CDADC1: variants seen among roughly 807,000 people sequenced by gnomAD.
CDADC1 encodes the protein cytidine and dCMP deaminase domain containing 1.
CDADC1 carries 39 observed loss-of-function variants against 54.9 expected under a neutral mutation model. The ratio of observed to expected loss-of-function variants is 0.71; its 90% CI spans 0.55 to 0.93. CDADC1 has a LOEUF of 0.93. Among genes scored for constraint, CDADC1 ranks in the 40% least tolerant of loss-of-function variants. CDADC1 has a pLI of 0.00. For synonymous variants in CDADC1, 186 were observed against 204.0 expected (o/e 0.91, Z 0.75); for missense variants, 518 against 618.8 (o/e 0.84, Z 1.73).
At chr13:49,277,653 A>G (rs1184615830) in intron 6 of CDADC1, among the ~76,000 whole-genome samples, 9 of 152,172 alleles carry the variant, frequency 5.9e-5, no homozygotes, top group Non-Finnish European at 1.3e-4. Context: ...CCAAAAAACT[A>G]TTACACACAC....
intron 4 of CDADC1, among the ~76,000 whole-genome samples, chr13:49,265,685 AT>A (rs1952799364): frequency 6.6e-6 from 1 of 151,192 alleles, no homozygotes; most frequent in Admixed American, 6.6e-5. Context: ...AATATTTTAA[AT>A]TTTGTTTTAA....
In CDADC1 at chr13:49,292,150, G is replaced by C. The variant is rs993395671; in HGVS notation, c.*393G>C. 6 of 1,009,850 alleles carry C rather than the reference G, an allele frequency of 5.9e-6. No homozygotes were observed. Among genetic ancestry groups the C allele is most frequent in the Non-Finnish European group, 7.1e-6 (6 of 843,560 alleles). 62.6% of individuals were successfully genotyped at this position (1,009,850 alleles called of 1,614,324 possible). A position where few individuals can be genotyped will look rare whatever the true frequency, so the allele number is the denominator to read the frequency against. Reference sequence around the variant, plus strand: ...ATATTAATTCTTTTGAATTACAAGAGTGACAGTTAGTAAACTGCTCCAGGG... The same window carrying C: ...ATATTAATTCTTTTGAATTACAAGACTGACAGTTAGTAAACTGCTCCAGGG... On this transcript the variant is annotated 3_prime_UTR_variant, in exon 10 of 10. Coordinates refer to ENST00000251108, the MANE Select transcript of CDADC1 (RefSeq NM_030911.4).
intron 4 of CDADC1, among the ~76,000 whole-genome samples, chr13:49,264,182 T>C (rs1952754933): frequency 6.6e-6 from 1 of 152,188 alleles, no homozygotes; most frequent in Admixed American, 6.5e-5. Context: ...AGACAATTAT[T>C]TGGGTACTTG....
At chr13:49,274,826 T>C (rs536471471) in intron 6 of CDADC1, among the ~76,000 whole-genome samples, 6 of 152,336 alleles carry the variant, frequency 3.9e-5, no homozygotes, top group African/African-American at 1.4e-4. Flanking sequence ...CAGTGAATGC[T>C]GGGGATTAAA....
At position 49,259,346 on chromosome 13, in the gene CDADC1, G is replaced by C. The variant is rs760506329; in HGVS notation, c.253G>C (p.Val85Leu). 1.3e-6 allele frequency: 2 copies of C among 1,597,158 alleles called. No homozygotes were observed. The highest frequency in any genetic ancestry group is 1.7e-6 in the Non-Finnish European group (2 of 1,168,732). ...GTTGTTATTTTATATCTTAATGTAG[G>C]TAAAGAGAACTGGTCTTGTGGTGGT... is the stretch of plus-strand genomic sequence containing the variant. ...RTRVSTDKRQVKRTGLVVVKN... is the reference protein window; with the variant it reads ...RTRVSTDKRQLKRTGLVVVKN... Residue 85 changes from valine (V) to leucine (L), a missense_variant and splice_region_variant, in exon 4 of 10, where the codon GTA (valine) becomes CTA (leucine). Transcript: ENST00000251108.
At chr13:49,278,276 C>A in intron 6 of CDADC1, 74 bp from the exon 7 acceptor site, 1 of 1,123,674 alleles carries the variant, frequency 8.9e-7, no homozygotes, top group Non-Finnish European at 1.2e-6. Context: ...AGTATGATAG[C>A]AAGCTTCAAA....
chr13:49,256,913 C>T (rs1327099282), intron 3 of CDADC1, among the ~76,000 whole-genome samples: 1 of 152,136 alleles, frequency 6.6e-6, no homozygotes, highest in Non-Finnish European at 1.5e-5. Context: ...ATGTACTAGT[C>T]CATATACAAA....
At chr13:49,268,332 T>C (rs1952875321) in intron 5 of CDADC1, among the ~76,000 whole-genome samples, 2 of 152,092 alleles carry the variant, frequency 1.3e-5, no homozygotes, top group African/African-American at 4.8e-5. Context: ...ATGATTTCAC[T>C]GTTCCTTGAG....
At chr13:49,290,323 G>T (rs1430477158) in intron 9 of CDADC1, among the ~76,000 whole-genome samples, 1 of 151,820 alleles carries the variant, frequency 6.6e-6, no homozygotes, top group Non-Finnish European at 1.5e-5. Context: ...CTCTTTTGGG[G>T]CAGTAAGTTC....
intron 2 of CDADC1, among the ~76,000 whole-genome samples, chr13:49,251,999 G>A (rs867930113): frequency 2.6e-5 from 4 of 152,212 alleles, no homozygotes; most frequent in South Asian, 4.2e-4. Flanking sequence ...TGACTCATAC[G>A]CATGTCTATT....
At position 49,248,030 on chromosome 13, in the gene CDADC1, G is replaced by A; in HGVS notation, c.-8G>A. On this transcript the variant is annotated 5_prime_UTR_variant, in exon 1 of 10. Coordinates refer to ENST00000251108, the MANE Select transcript of CDADC1 (RefSeq NM_030911.4). ...GTTTCCTTGGCAGCAGAGGACGCTAGGTTTGGGATGAAAGAAGCTGGGCAG... is the reference window on the plus strand; with the variant it reads ...GTTTCCTTGGCAGCAGAGGACGCTAAGTTTGGGATGAAAGAAGCTGGGCAG... 6.4e-7 allele frequency: 1 copy of A among 1,552,298 alleles called. No individual in the cohort carries two copies. The highest frequency in any genetic ancestry group is 8.7e-7 in the Non-Finnish European group (1 of 1,147,380).
At chr13:49,251,660 C>T (rs779648012) in intron 2 of CDADC1, among the ~76,000 whole-genome samples, 7 of 151,716 alleles carry the variant, frequency 4.6e-5, no homozygotes, top group Non-Finnish European at 8.8e-5. Context: ...AGTTTATTTG[C>T]AAATAATACA....
At chr13:49,275,087 C>CTT (rs68165171) in intron 6 of CDADC1, among the ~76,000 whole-genome samples, 4 of 137,982 alleles carry the variant, frequency 2.9e-5, no homozygotes, top group Non-Finnish European at 4.7e-5. Flanking sequence ...GGTGAACATT[C>CTT]TTTTTTTTTT....
chr13:49,277,080 T>A (rs987669151), intron 6 of CDADC1, among the ~76,000 whole-genome samples: 2 of 152,202 alleles, frequency 1.3e-5, no homozygotes, highest in African/African-American at 4.8e-5. Context: ...AGACAATTAA[T>A]CACTCTTGTC....
At position 49,292,185 on chromosome 13, in the gene CDADC1, TCA is replaced by T; in HGVS notation, c.*429_*430del. 1.0e-6 allele frequency: 1 copy of T among 1,001,174 alleles called. No individual in the cohort carries two copies. Among genetic ancestry groups the T allele is most frequent in the Non-Finnish European group, 1.2e-6 (1 of 838,006 alleles). 62.0% of individuals were successfully genotyped at this position (1,001,174 alleles called of 1,614,324 possible). A position where few individuals can be genotyped will look rare whatever the true frequency, so the allele number is the denominator to read the frequency against. On this transcript the variant is annotated 3_prime_UTR_variant, in exon 10 of 10. Coordinates refer to ENST00000251108, the MANE Select transcript of CDADC1 (RefSeq NM_030911.4). ...GTAAACTGCTCCAGGGAAATAAGTGTCATCTTTTAAGAGTCAGTGTATAGCAA... is the reference window on the plus strand; with the variant it reads ...GTAAACTGCTCCAGGGAAATAAGTGTTCTTTTAAGAGTCAGTGTATAGCAA...
Position 49,248,123 on chromosome 13 carries a change from A to G in CDADC1, c.82+4A>G. On this transcript the variant is annotated splice_donor_region_variant and intron_variant, in intron 1 of 9. Transcript: ENST00000251108. ...ACCCAGACTGGCAGCATGACCGGTG[A>G]GTGTCCGGGACCCTGCTCCCGCCAC... 6.4e-7 allele frequency: 1 copy of G among 1,550,558 alleles called. No individual in the cohort carries two copies. Among genetic ancestry groups the G allele is most frequent in the Non-Finnish European group, 8.7e-7 (1 of 1,146,474 alleles).
At chr13:49,285,637 T>C (rs1015846080) in intron 8 of CDADC1, among the ~76,000 whole-genome samples, 6 of 152,166 alleles carry the variant, frequency 3.9e-5, no homozygotes, top group Admixed American at 3.9e-4. Context: ...CTGAGACAAG[T>C]CACTCCAATC....
At chr13:49,281,724 G>C (rs554063604) in intron 8 of CDADC1, among the ~76,000 whole-genome samples, 1 of 152,064 alleles carries the variant, frequency 6.6e-6, no homozygotes, top group Non-Finnish European at 1.5e-5. Context: ...CCAAACAAAG[G>C]GAGGTGCACA....
intron 8 of CDADC1, among the ~76,000 whole-genome samples, chr13:49,285,396 T>G (rs1164458671): frequency 6.6e-6 from 1 of 152,056 alleles, no homozygotes; most frequent in Non-Finnish European, 1.5e-5. Context: ...GCCAGGATGG[T>G]CTCTATCTGA....
Sources: gnomAD v4.1 joint callset for allele counts (sites outside exome capture counted in the v4.1 genomes callset) on GRCh38, gnomAD v4.1.1 for gene constraint, MANE v1.5 for transcripts, NCBI Gene and HGNC (gene_info 2026-07-23, HGNC 2026-07-21) for gene names.